The following TP53I13 variants were observed in gnomAD, a reference collection of about 807,000 sequenced individuals.
TP53I13 encodes the protein tumor protein p53 inducible protein 13.
In TP53I13, 27 loss-of-function variants were observed where a neutral mutation model predicts 39.1. The observed-to-expected ratio is 0.69, with a 90% CI of 0.51 to 0.95. TP53I13 has a LOEUF of 0.95. Among genes scored for constraint, TP53I13 ranks in the 40% least tolerant of loss-of-function variants. The pLI is 0.00. For synonymous variants in TP53I13, 230 were observed against 224.6 expected, an observed-to-expected ratio of 1.02 and a Z score of -0.22; for missense variants, 544 against 520.4, an observed-to-expected ratio of 1.05 and a Z score of -0.44.
In TP53I13 at chr17:29,573,046, T is replaced by C; in HGVS notation, c.*122T>C. 1 of 764,726 alleles carries C rather than the reference T, an allele frequency of 1.3e-6. No homozygotes were observed. Among genetic ancestry groups the C allele is most frequent in the East Asian group, 3.5e-5 (1 of 28,626 alleles). 47.4% of individuals were successfully genotyped at this position (764,726 alleles called of 1,614,324 possible). A position where few individuals can be genotyped will look rare whatever the true frequency, so the allele number is the denominator to read the frequency against. On this transcript the variant is annotated 3_prime_UTR_variant, in exon 7 of 7. Coordinates refer to ENST00000301057, the MANE Select transcript of TP53I13 (RefSeq NM_138349.4). ...CGATGGCGCGGCACTGGCCGAGCAC[T>C]GCGGGGGCTTTCCTCCTTGTTGGTT... is the stretch of plus-strand genomic sequence containing the variant.
At chr17:29,576,066 C>T (rs765694410), downstream of TP53I13, 6 of 1,612,836 alleles carry the variant, frequency 3.7e-6, no homozygotes, top group South Asian at 3.3e-5. Flanking sequence ...GACACGCCTT[C>T]CCCAGGCTTA....
downstream of TP53I13, chr17:29,573,169 A>G: frequency 2.6e-6 from 1 of 384,000 alleles, no homozygotes; most frequent in Non-Finnish European, 4.6e-6. Flanking sequence ...TCTGGAGTTG[A>G]GCTTGTGCAT....
At chr17:29,577,302 G>T, downstream of TP53I13, 2 of 1,338,968 alleles carry the variant, frequency 1.5e-6, no homozygotes, top group South Asian at 1.2e-5. Context: ...GACTGACGCA[G>T]GACGGCAGGG....
chr17:29,571,521 G>A (rs1170028443), intron 3 of TP53I13, 70 bp from the exon 4 acceptor site: 2 of 1,597,964 alleles, frequency 1.3e-6, no homozygotes, highest in East Asian at 4.5e-5. Context: ...CTGGTCCCCT[G>A]GATGGGAGAA....
chr17:29,582,137 T>C, the TP53I13 span: 1 of 1,570,378 alleles, frequency 6.4e-7, no homozygotes, highest in Admixed American at 1.8e-5. Context: ...CACGCTCGAG[T>C]GTAGTTGCTA....
downstream of TP53I13, chr17:29,574,310 A>G (rs41274276): frequency 1.9e-5 from 5 of 257,148 alleles, no homozygotes; most frequent in South Asian, 4.7e-5. Context: ...CTCAGCCCCC[A>G]GTAGGGCTGA....
the TP53I13 span, chr17:29,578,652 C>T: frequency 5.5e-6 from 7 of 1,270,834 alleles, no homozygotes; most frequent in Non-Finnish European, 6.9e-6. Context: ...GAGTCAGAGG[C>T]AGAGGAAGCA....
downstream of TP53I13, chr17:29,576,936 C>T (rs1157934035): frequency 1.9e-6 from 3 of 1,593,290 alleles, no homozygotes; most frequent in Non-Finnish European, 2.6e-6. Flanking sequence ...AGAGGCCACG[C>T]TGTCGTAGTC....
chr17:29,575,387 G>A (rs2033154771), downstream of TP53I13: 3 of 1,613,718 alleles, frequency 1.9e-6, no homozygotes, highest in Admixed American at 3.3e-5. This position sits in a 1 kb window ranked among gnomAD's most constrained non-coding sequence, Gnocchi z 5.5. Flanking sequence ...GGGAAGCCCA[G>A]GATCTAGGTC....
Position 29,572,279 on chromosome 17 carries a change from C to T in TP53I13, c.651C>T (p.Arg217=). ...CTGCCCTTGGTCCCCAGCCCACTCGCTCAGCCCTGAGGTTTCCCTCTGCTT... is the reference window on the plus strand; with the variant it reads ...CTGCCCTTGGTCCCCAGCCCACTCGTTCAGCCCTGAGGTTTCCCTCTGCTT... The part of the protein sequence containing the change: ...LRAALGPQPT[R]SALRFPSASP... Residue 217 remains arginine, a synonymous_variant, in exon 6 of 7, where the codon CGC becomes CGT. Coordinates refer to ENST00000301057, the MANE Select transcript of TP53I13 (RefSeq NM_138349.4). 1 of 1,612,960 alleles carries T rather than the reference C, an allele frequency of 6.2e-7. No homozygotes were observed.
downstream of TP53I13, chr17:29,576,172 G>A (rs368875155): frequency 2.4e-5 from 39 of 1,611,074 alleles, no homozygotes; most frequent in African/African-American, 4.3e-4. Context: ...TGGACCCTGC[G>A]GCAGCCCCAC....
At chr17:29,578,921 A>C in the TP53I13 span, 2 of 1,607,508 alleles carry the variant, frequency 1.2e-6, no homozygotes, top group African/African-American at 1.3e-5. Context: ...TCCCCGCCCT[A>C]CCCCACCTTC....
chr17:29,575,074 T>C (rs750785562), downstream of TP53I13: 2 of 1,590,714 alleles, frequency 1.3e-6, no homozygotes, highest in South Asian at 1.1e-5. The surrounding 1 kb of genome is among the most constrained non-coding windows in gnomAD (Gnocchi z 5.5). Context: ...CTTTGGCCCC[T>C]GTACCTTTGG....
At chr17:29,575,544 G>T, downstream of TP53I13, 4 of 1,557,950 alleles carry the variant, frequency 2.6e-6, no homozygotes, top group Non-Finnish European at 3.5e-6. This position sits in a 1 kb window ranked among gnomAD's most constrained non-coding sequence, Gnocchi z 5.5. Flanking sequence ...GGAGCCGCCC[G>T]CCTTGGTCCT....
At chr17:29,566,674 C>G (rs756173649), upstream of TP53I13, 8 of 1,596,466 alleles carry the variant, frequency 5.0e-6, no homozygotes, top group Admixed American at 6.8e-5. Context: ...GAACCAGGAG[C>G]GCGGGCCGGC....
At chr17:29,569,559 A>G (rs1054475773) in intron 3 of TP53I13, 200 bp downstream of exon 3, 1 of 537,698 alleles carries the variant, frequency 1.9e-6, no homozygotes, top group South Asian at 2.6e-5. Context: ...ACAGTGAGCC[A>G]TAGGCCTGTC....
At chr17:29,581,701 C>G in the TP53I13 span, 1 of 1,521,752 alleles carries the variant, frequency 6.6e-7, no homozygotes, top group Non-Finnish European at 9.0e-7. The surrounding 1 kb of genome is among the most constrained non-coding windows in gnomAD (Gnocchi z 4.8). Context: ...CCAGCCCCAG[C>G]CAGGCCTGTC....
chr17:29,571,280 C>G, intron 3 of TP53I13: 1 of 364,466 alleles, frequency 2.7e-6, no homozygotes, highest in Non-Finnish European at 5.1e-6. Flanking sequence ...GGATTGTGGA[C>G]CTGTAGAGCC....
downstream of TP53I13, chr17:29,575,588 C>T (rs557904654): frequency 1.3e-4 from 203 of 1,591,302 alleles, 2 homozygotes; most frequent in Admixed American, 3.1e-3. This position sits in a 1 kb window ranked among gnomAD's most constrained non-coding sequence, Gnocchi z 5.5. Flanking sequence ...CTCCCCGCCT[C>T]GGCATGTGAG....
Sources: allele counts gnomAD v4.1 joint callset, GRCh38; gene constraint gnomAD v4.1.1; non-coding constraint Gnocchi (gnomAD v3.1); transcripts MANE v1.5; gene names NCBI Gene and HGNC (gene_info 2026-07-23, HGNC 2026-07-21).